The following SDK1 variants were observed in gnomAD, a reference collection of about 807,000 sequenced individuals.
SDK1 encodes sidekick cell adhesion molecule 1.
SDK1 carries 157 observed loss-of-function variants against 245.5 expected under a neutral mutation model. That is an observed-to-expected ratio of 0.64 (90% CI 0.56 to 0.73). SDK1 has a LOEUF of 0.73. Ranked by LOEUF, SDK1 falls within the 30% of genes least tolerant of loss-of-function variation. SDK1 has a pLI of 0.00. For missense variants in SDK1, 3,583 were observed against 3,002.3 expected (o/e 1.19, Z -4.52); for synonymous variants, 1,647 against 1,278.5 (o/e 1.29, Z -6.15).
intron 5 of SDK1, among the ~76,000 whole-genome samples, chr7:3,928,983 G>A (rs1000576154): frequency 2.6e-5 from 4 of 152,198 alleles, no homozygotes; most frequent in Admixed American, 2.0e-4. Context: ...TGTCTCACTA[G>A]ACCCAACTCT....
chr7:3,626,213 T>C (rs1242370319), intron 2 of SDK1, among the ~76,000 whole-genome samples: 1 of 152,110 alleles, frequency 6.6e-6, no homozygotes, highest in Non-Finnish European at 1.5e-5. Context: ...GTGCTGAGGT[T>C]ACAGGTGTGA....
chr7:4,201,114 A>G (rs990879675), intron 35 of SDK1, among the ~76,000 whole-genome samples: 11 of 152,140 alleles, frequency 7.2e-5, no homozygotes, highest in Non-Finnish European at 1.6e-4. Flanking sequence ...GGGGCTCTGC[A>G]TTTCCTGGGT....
At chr7:3,661,828 C>T (rs1048700886) in intron 4 of SDK1, among the ~76,000 whole-genome samples, 1 of 152,094 alleles carries the variant, frequency 6.6e-6, no homozygotes, top group Non-Finnish European at 1.5e-5. Context: ...CTTCCGGGCA[C>T]CACACTTTCC....
intron 5 of SDK1, among the ~76,000 whole-genome samples, chr7:3,889,321 T>G (rs750049666): frequency 6.6e-6 from 1 of 152,252 alleles, no homozygotes; most frequent in Non-Finnish European, 1.5e-5. Context: ...CTCCCTGTCC[T>G]GGCCCCTGGC....
intron 1 of SDK1, among the ~76,000 whole-genome samples, chr7:3,574,702 C>G (rs963104492): frequency 6.6e-6 from 1 of 152,072 alleles, no homozygotes; most frequent in Non-Finnish European, 1.5e-5. Context: ...TGATGGAATA[C>G]TGTACTGCCT....
At chr7:3,581,317 C>T (rs1472193595) in intron 1 of SDK1, among the ~76,000 whole-genome samples, 5 of 152,076 alleles carry the variant, frequency 3.3e-5, no homozygotes, top group African/African-American at 1.2e-4. Flanking sequence ...ATGCTAATCA[C>T]TATTATTAAT....
chr7:4,108,846 T>A (rs1304121319), intron 22 of SDK1, among the ~76,000 whole-genome samples: 2 of 152,038 alleles, frequency 1.3e-5, no homozygotes, highest in African/African-American at 4.8e-5. Context: ...CCTCTCCCCA[T>A]CCCCTGGCAA....
chr7:3,340,257 A>G (rs986872367), intron 1 of SDK1, among the ~76,000 whole-genome samples: 4 of 152,112 alleles, frequency 2.6e-5, no homozygotes, highest in African/African-American at 9.7e-5. Context: ...ATGGCAATAA[A>G]AGGAGTCACA....
chr7:3,655,494 T>TGTATGTATGTATGC (rs1368456732), intron 4 of SDK1, among the ~76,000 whole-genome samples: 7 of 72,438 alleles, frequency 9.7e-5, no homozygotes, highest in African/African-American at 2.5e-4. Context: ...TATATATATA[T>TGTATGTATGTATGC]ATATATATAT....
intron 4 of SDK1, among the ~76,000 whole-genome samples, chr7:3,730,897 C>T (rs568886286): frequency 1.3e-5 from 2 of 152,254 alleles, no homozygotes; most frequent in East Asian, 1.9e-4. Context: ...TCTTTGCCAT[C>T]AGTCTTTTTG....
intron 30 of SDK1, among the ~76,000 whole-genome samples, chr7:4,149,775 A>G (rs941537675): frequency 2.0e-5 from 3 of 151,944 alleles, no homozygotes; most frequent in African/African-American, 7.3e-5. Context: ...TGTGGGCTGG[A>G]GTCCTAGCCC....
intron 5 of SDK1, among the ~76,000 whole-genome samples, chr7:3,908,282 A>G (rs1169486849): frequency 6.6e-6 from 1 of 152,166 alleles, no homozygotes; most frequent in African/African-American, 2.4e-5. Context: ...CTGTCATGGG[A>G]TGGAAAATTC....
intron 14 of SDK1, among the ~76,000 whole-genome samples, chr7:4,000,319 C>A (rs996427114): frequency 2.0e-5 from 3 of 152,188 alleles, no homozygotes; most frequent in African/African-American, 7.2e-5. Context: ...TTCTGGTGCC[C>A]CCAGCGGCCT....
intron 26 of SDK1, 64 bp downstream of exon 26, chr7:4,127,560 C>A: frequency 8.3e-7 from 1 of 1,205,434 alleles, no homozygotes; most frequent in Non-Finnish European, 1.2e-6. Flanking sequence ...GGAGCATGTG[C>A]TATTCCCCCA....
At chr7:3,856,428 T>C (rs1049033443) in intron 5 of SDK1, among the ~76,000 whole-genome samples, 1 of 143,204 alleles carries the variant, frequency 7.0e-6, no homozygotes, top group Non-Finnish European at 1.5e-5. Flanking sequence ...TAATTTTGAC[T>C]AACAAGACTA....
At position 3,612,332 on chromosome 7, in the gene SDK1, T is replaced by C. The variant is rs112736319; in HGVS notation, c.299-6748T>C. ...GCATATTTAACTAGAGTGGCACATA[T>C]CTAGTTATCTATTTAAACCTCACCC... On this transcript the variant is annotated intron_variant, in intron 1 of 44. Transcript: ENST00000404826. Among the ~76,000 whole-genome samples the C allele has an allele frequency of 4.7e-3, 720 of 152,328 alleles. 10 individuals carry two copies. Among genetic ancestry groups the C allele is most frequent in the African/African-American group, 0.016 (674 of 41,570 alleles).
intron 14 of SDK1, among the ~76,000 whole-genome samples, chr7:3,996,767 C>A (rs1184825550): frequency 6.6e-6 from 1 of 152,150 alleles, no homozygotes; most frequent in African/African-American, 2.4e-5. Context: ...TCAAGGTAGA[C>A]GATCATATCT....
At chr7:4,063,545 A>G (rs1779677301) in intron 19 of SDK1, among the ~76,000 whole-genome samples, 1 of 151,662 alleles carries the variant, frequency 6.6e-6, no homozygotes, top group African/African-American at 2.4e-5. Context: ...AATGAATCTA[A>G]TGACTCAATG....
chr7:3,599,570 A>AT lies in SDK1; in HGVS notation c.299-19503dup, dbSNP rs1436215940. 8.6e-5 allele frequency among the ~76,000 whole-genome samples: 13 copies of AT among 151,970 alleles called. No individual in the cohort carries two copies. The South Asian group carries it at 2.3e-3, about 27-fold the overall frequency. On this transcript the variant is annotated intron_variant, in intron 1 of 44. Coordinates refer to ENST00000404826, the MANE Select transcript of SDK1 (RefSeq NM_152744.4). ...CCCCACATTACAAATATTTTCTCCC[A>AT]TTTTTTTGAAATGTTTTATGGTTCT...
Sources: gnomAD v4.1 joint callset for allele counts (sites outside exome capture counted in the v4.1 genomes callset) on GRCh38, gnomAD v4.1.1 for gene constraint, MANE v1.5 for transcripts, NCBI Gene and HGNC (gene_info 2026-07-23, HGNC 2026-07-21) for gene names.